Variants in RASAL2 observed in about 807,000 individuals in gnomAD.
RASAL2 encodes the protein ras GTPase-activating protein nGAP.
In RASAL2, 58 loss-of-function variants were observed where a neutral mutation model predicts 128.9. That is an observed-to-expected ratio of 0.45 (90% CI 0.36 to 0.56). The LOEUF (loss-of-function observed/expected upper bound fraction) is 0.56, where lower values mean the gene tolerates loss of function less well. Ranked by LOEUF, RASAL2 falls within the 20% of genes least tolerant of loss-of-function variation. RASAL2 has a pLI of 0.00. For synonymous variants in RASAL2, 561 were observed against 580.8 expected (o/e 0.97, Z 0.49); for missense variants, 1,360 against 1,601.6 (o/e 0.85, Z 2.57).
rs748202267 is a variant in RASAL2 at position 178,452,588 on chromosome 1, G to A, written c.1945G>A (p.Asp649Asn). ...LFNLMQEYPD[D>N]RTSRTLTLIA... ...CAACCTTATGCAGGAGTATCCTGAT[G>A]ACCGCACATCTCGGACTCTAACTCT... The change falls in exon 11 of 18, where the codon GAC becomes AAC. Residue 649 changes from aspartate to asparagine, a missense_variant. By Grantham distance (23) the Asp-to-Asn change is conservative (BLOSUM62 1). Transcript: ENST00000367649. 49 of 1,614,030 alleles carry A rather than the reference G, an allele frequency of 3.0e-5. No individual in the cohort carries two copies. The East Asian group carries it at 1.0e-3, about 33-fold the overall frequency.
intron 1 of RASAL2, among the ~76,000 whole-genome samples, chr1:178,127,028 A>G (rs1175105187): frequency 6.6e-6 from 1 of 152,168 alleles, no homozygotes; most frequent in African/African-American, 2.4e-5. Context: ...TTGCTGTCTA[A>G]TTCTTTGTCC....
rs951374554 is a variant in RASAL2 at position 178,094,624 on chromosome 1, C to T, written c.132C>T (p.Val44=). 13 of 1,613,566 alleles carry T rather than the reference C, an allele frequency of 8.1e-6. No individual in the cohort carries two copies. The highest frequency in any genetic ancestry group is 2.2e-5 in the South Asian group (2 of 90,964). ...CGGTTGTCCCAGTCAGTGGAGCCGT[C>T]GCCGGTGGCATGTTGGATCGGATCC... is the stretch of plus-strand genomic sequence containing the variant. ...LDAVVPVSGA[V]AGGMLDRILL... Residue 44 remains valine (V), a synonymous_variant, in exon 1 of 18, where the codon GTC becomes GTT. Coordinates refer to ENST00000367649, the MANE Select transcript of RASAL2 (RefSeq NM_170692.4).
rs1001464500 is a variant in RASAL2 at position 178,466,164 on chromosome 1, A to G, written c.3590+42A>G. ...CAGCAGATGTGGGCTAGTTAGCAAG[A>G]CAAAGAATTGAGATGATCCACAGAA... On this transcript the variant is annotated intron_variant, in intron 16 of 17. Transcript: ENST00000367649. 4.0e-6 allele frequency: 6 copies of G among 1,500,348 alleles called. No individual in the cohort carries two copies. In the African/African-American group the frequency reaches 7.1e-5, roughly 18 times the overall value. The allele number at this position is 1,500,348 out of a possible 1,614,324, so 92.9% of individuals were successfully genotyped here. A position where few individuals can be genotyped will look rare whatever the true frequency, so the allele number is the denominator to read the frequency against.
chr1:178,217,959 A>G (rs908421667), intron 1 of RASAL2, among the ~76,000 whole-genome samples: 1 of 152,194 alleles, frequency 6.6e-6, no homozygotes, highest in African/African-American at 2.4e-5. Flanking sequence ...CCACTGCTAT[A>G]TCAACTAAGT....
chr1:178,463,587 A>C (rs1455164025), intron 14 of RASAL2, among the ~76,000 whole-genome samples: 2 of 152,196 alleles, frequency 1.3e-5, no homozygotes, highest in African/African-American at 2.4e-5. Flanking sequence ...GAAATTTTCC[A>C]GTATAAGGAC....
At chr1:178,404,862 T>C (rs571875686) in intron 4 of RASAL2, among the ~76,000 whole-genome samples, 14 of 147,798 alleles carry the variant, frequency 9.5e-5, no homozygotes, top group Admixed American at 8.7e-4. Context: ...CTGTATTGTT[T>C]GTAGAGACGA....
intron 1 of RASAL2, among the ~76,000 whole-genome samples, chr1:178,209,671 C>G (rs1209015620): frequency 6.6e-6 from 1 of 151,588 alleles, no homozygotes; most frequent in African/African-American, 2.4e-5. Context: ...CTGTTTATAT[C>G]TCCTTTTCTC....
At chr1:178,289,152 T>C (rs1344747970) in intron 2 of RASAL2, among the ~76,000 whole-genome samples, 2 of 152,226 alleles carry the variant, frequency 1.3e-5, no homozygotes, top group Non-Finnish European at 2.9e-5. Context: ...AGCTCACTAG[T>C]GACCTTCCCA....
At chr1:178,241,316 G>T (rs1189394094) in intron 1 of RASAL2, among the ~76,000 whole-genome samples, 3 of 152,122 alleles carry the variant, frequency 2.0e-5, no homozygotes, top group Admixed American at 6.6e-5. Context: ...GCTGTGTTAG[G>T]AAATAAGCTA....
chr1:178,104,657 T>A (rs1386182470), intron 1 of RASAL2, among the ~76,000 whole-genome samples: 1 of 152,228 alleles, frequency 6.6e-6, no homozygotes. Flanking sequence ...TCTACTGCTG[T>A]GTTGCTACTT....
intron 1 of RASAL2, among the ~76,000 whole-genome samples, chr1:178,159,682 A>C (rs1661205686): frequency 6.6e-6 from 1 of 152,076 alleles, no homozygotes; most frequent in Non-Finnish European, 1.5e-5. Flanking sequence ...TAATCCCAGC[A>C]CTTCGGGAGG....
intron 6 of RASAL2, among the ~76,000 whole-genome samples, 185 bp from the exon 7 acceptor site, chr1:178,441,364 T>C (rs9803683): frequency 0.038 from 5,825 of 152,266 alleles, 365 homozygotes; most frequent in African/African-American, 0.13. Flanking sequence ...TAGGTTATTT[T>C]TGTAACCACA....
intron 3 of RASAL2, among the ~76,000 whole-genome samples, chr1:178,300,359 GC>G (rs1309995304): frequency 9.9e-5 from 15 of 152,182 alleles, no homozygotes; most frequent in Non-Finnish European, 1.3e-4. Flanking sequence ...TTAGTCCTAG[GC>G]AGATGGGATA....
chr1:178,122,053 C>G (rs1317265186), intron 1 of RASAL2, among the ~76,000 whole-genome samples: 1 of 151,948 alleles, frequency 6.6e-6, no homozygotes, highest in Non-Finnish European at 1.5e-5. Flanking sequence ...TAGACTGCCT[C>G]GTTTTTATTT....
chr1:178,103,329 A>AT (rs941024112), intron 1 of RASAL2, among the ~76,000 whole-genome samples: 2 of 152,052 alleles, frequency 1.3e-5, no homozygotes, highest in Non-Finnish European at 2.9e-5. Flanking sequence ...AGTTCAAGTG[A>AT]TTTTGCAGTG....
chr1:178,402,068 G>A (rs1673662552), intron 4 of RASAL2, among the ~76,000 whole-genome samples: 1 of 152,118 alleles, frequency 6.6e-6, no homozygotes, highest in Non-Finnish European at 1.5e-5. Flanking sequence ...TTTCTTTTCT[G>A]TAGTAATGAA....
intron 1 of RASAL2, among the ~76,000 whole-genome samples, chr1:178,107,314 T>C (rs1659128274): frequency 6.7e-6 from 1 of 149,838 alleles, no homozygotes; most frequent in Admixed American, 6.6e-5. Context: ...CTAAGTTGTC[T>C]TAGAATTTAA....
chr1:178,264,041 T>C (rs1455927370), intron 1 of RASAL2, among the ~76,000 whole-genome samples: 1 of 152,226 alleles, frequency 6.6e-6, no homozygotes, highest in Non-Finnish European at 1.5e-5. Flanking sequence ...TAGAGAGTTA[T>C]GCAGAAGTCT....
intron 1 of RASAL2, among the ~76,000 whole-genome samples, chr1:178,270,165 C>G (rs2102168469): frequency 6.6e-6 from 1 of 152,164 alleles, no homozygotes; most frequent in Non-Finnish European, 1.5e-5. Context: ...ATGTTTTATA[C>G]ATAACTGTTT....
Sources: allele counts gnomAD v4.1 joint callset (sites outside exome capture counted in the v4.1 genomes callset), GRCh38; gene constraint gnomAD v4.1.1; transcripts MANE v1.5; gene names NCBI Gene and HGNC (gene_info 2026-07-23, HGNC 2026-07-21).